RARB: variants seen among roughly 807,000 people sequenced by gnomAD.
The protein encoded by RARB is retinoic acid receptor beta, also known as HBV-activated protein.
Under a neutral mutation model 51.9 loss-of-function variants are expected in RARB, and 17 were observed. The observed-to-expected ratio is 0.33, with a 90% confidence interval of 0.22 to 0.49. The LOEUF is 0.49. RARB is among the 20% of genes least tolerant of loss of function. The pLI, the probability that RARB is intolerant of heterozygous loss-of-function variation, is 0.99. For missense variants in RARB, 369 were observed against 550.8 expected (o/e 0.67, Z 3.30); for synonymous variants, 215 against 195.4 (o/e 1.10, Z -0.84).
intron 3 of RARB, among the ~76,000 whole-genome samples, chr3:25,555,377 A>G (rs966447910): frequency 6.6e-6 from 1 of 152,010 alleles, no homozygotes; most frequent in Non-Finnish European, 1.5e-5. Context: ...TCTTCATAAC[A>G]CTTATTACCT....
At chr3:24,979,448 T>G (rs1285673565) in intron 2 of RARB, among the ~76,000 whole-genome samples, 2 of 152,238 alleles carry the variant, frequency 1.3e-5, no homozygotes, top group African/African-American at 2.4e-5. Context: ...ATATTTAGGA[T>G]AGTTAGCTCT....
intron 5 of RARB, among the ~76,000 whole-genome samples, chr3:25,410,165 T>C (rs1200667178): frequency 6.6e-6 from 1 of 152,214 alleles, no homozygotes; most frequent in African/African-American, 2.4e-5. Flanking sequence ...CAACAGAGTG[T>C]GGGTTAGTCT....
chr3:25,358,793 A>T (rs560609768), intron 5 of RARB, among the ~76,000 whole-genome samples: 1 of 152,196 alleles, frequency 6.6e-6, no homozygotes, highest in African/African-American at 2.4e-5. Flanking sequence ...ATTGATTTGC[A>T]TATGTTGAAC....
At chr3:25,040,793 T>G (rs201388141) in intron 2 of RARB, among the ~76,000 whole-genome samples, 3 of 152,296 alleles carry the variant, frequency 2.0e-5, no homozygotes, top group Non-Finnish European at 4.4e-5. Flanking sequence ...GAACATTTTA[T>G]GTTAATTACA....
chr3:25,075,469 C>T (rs1203131744), intron 3 of RARB, among the ~76,000 whole-genome samples: 1 of 152,104 alleles, frequency 6.6e-6, no homozygotes, highest in Non-Finnish European at 1.5e-5. Flanking sequence ...ATTCCTGAGC[C>T]AATACCCTAC....
Position 25,139,841 on chromosome 3 carries a change from G to C in RARB, c.-280+7633G>C, listed in dbSNP as rs75870387. On this transcript the variant is annotated intron_variant, in intron 4 of 11. Coordinates refer to the RARB transcript ENST00000383772. ...GGGCTAATGCAGCTGATGACTTTAA[G>C]CCAATGCTCATTGATCATTCCAAAA... Among the ~76,000 whole-genome samples the C allele has an allele frequency of 2.6e-5, 4 of 152,246 alleles. No homozygotes were observed. The East Asian group carries it at 7.7e-4, about 29-fold the overall frequency.
intron 2 of RARB, among the ~76,000 whole-genome samples, chr3:25,026,236 T>C (rs1050883214): frequency 3.9e-5 from 6 of 152,332 alleles, no homozygotes; most frequent in Middle Eastern, 3.4e-3. Context: ...GAGATCCAAT[T>C]ACAGCAGTGT....
intron 4 of RARB, among the ~76,000 whole-genome samples, chr3:25,171,643 TAAAAAAA>T (rs770248970): frequency 4.4e-5 from 2 of 45,462 alleles, no homozygotes; most frequent in African/African-American, 1.6e-4. Flanking sequence ...CCCTGGTTGG[TAAAAAAA>T]AAAAAAAAAA....
intron 1 of RARB, chr3:25,441,394 C>T: frequency 8.5e-6 from 2 of 236,174 alleles, no homozygotes. Flanking sequence ...TCACGGAGTA[C>T]CCCAGTCCCA....
chr3:25,098,888 C>A (rs1575159549), intron 3 of RARB, among the ~76,000 whole-genome samples: 1 of 152,124 alleles, frequency 6.6e-6, no homozygotes, highest in African/African-American at 2.4e-5. Context: ...GCAAAATGTT[C>A]TTCATTTTAT....
rs1708068766 is a variant in RARB at position 25,428,479 on chromosome 3, C to T, written c.-253C>T. On this transcript the variant is annotated 5_prime_UTR_variant, in exon 1 of 8. Transcript: ENST00000330688. ...TTTACTTGGAAGGAGAACTTGGGAT[C>T]TTTCTGGGAACCCCCCGCCCCGGCT... 7.9e-7 allele frequency: 1 copy of T among 1,268,494 alleles called. No homozygotes were observed. Among genetic ancestry groups the T allele is most frequent in the South Asian group, 3.2e-5 (1 of 31,566 alleles). 78.6% of individuals were successfully genotyped at this position (1,268,494 alleles called of 1,614,324 possible).
chr3:25,510,008 A>G (rs2125618989), intron 3 of RARB, among the ~76,000 whole-genome samples: 1 of 152,284 alleles, frequency 6.6e-6, no homozygotes, highest in East Asian at 1.9e-4. Flanking sequence ...GCCACCTGAG[A>G]GGAAAGCTGG....
rs142999309 is a variant in RARB at position 25,222,748 on chromosome 3, G to T, written c.178+48173G>T. Among the ~76,000 whole-genome samples, 1,449 of 152,204 alleles carry T rather than the reference G, an allele frequency of 9.5e-3. 22 individuals are homozygous for T. Among genetic ancestry groups the T allele is most frequent in the East Asian group, 0.037 (190 of 5,178 alleles). ...AGATGCTAAGAACTTGATGGACTTT[G>T]CCTGCAATGGTAATAATACTGGAAA... On this transcript the variant is annotated intron_variant, in intron 5 of 11. Coordinates refer to the RARB transcript ENST00000383772.
chr3:25,165,260 C>T (rs1326302476), intron 4 of RARB, among the ~76,000 whole-genome samples: 1 of 151,728 alleles, frequency 6.6e-6, no homozygotes, highest in Non-Finnish European at 1.5e-5. Context: ...TGCTTCTCTG[C>T]TCTCTCTCAT....
At chr3:25,013,513 C>A (rs928523753) in intron 2 of RARB, among the ~76,000 whole-genome samples, 2 of 152,104 alleles carry the variant, frequency 1.3e-5, no homozygotes, top group Non-Finnish European at 2.9e-5. Context: ...GCCATGAAGA[C>A]TGACCCTCAT....
chr3:25,119,377 T>C (rs79357641), intron 3 of RARB, among the ~76,000 whole-genome samples: 2,917 of 152,256 alleles, frequency 0.019, 78 homozygotes, highest in African/African-American at 0.057. Context: ...TAACTGTGTT[T>C]GCTACAGTTT....
At chr3:25,591,415 C>T (rs1283254831) in intron 5 of RARB, among the ~76,000 whole-genome samples, 3 of 152,160 alleles carry the variant, frequency 2.0e-5, no homozygotes. Context: ...ATATCGAAAT[C>T]AGTACTGGGC....
intron 2 of RARB, among the ~76,000 whole-genome samples, chr3:24,969,794 T>G (rs550114171): frequency 2.6e-5 from 4 of 152,232 alleles, no homozygotes; most frequent in East Asian, 1.9e-4. Flanking sequence ...AGAAGATGTT[T>G]CCTCAGAGAG....
At chr3:25,104,862 A>G (rs896476288) in intron 3 of RARB, among the ~76,000 whole-genome samples, 1 of 151,776 alleles carries the variant, frequency 6.6e-6, no homozygotes, top group African/African-American at 2.4e-5. Flanking sequence ...CAGTGTAGAT[A>G]CACACATATG....
Sources: allele counts gnomAD v4.1 joint callset (sites outside exome capture counted in the v4.1 genomes callset), GRCh38; gene constraint gnomAD v4.1.1; transcripts MANE v1.5; gene names NCBI Gene and HGNC (gene_info 2026-07-23, HGNC 2026-07-21).